The following AGFG2 variants were observed in gnomAD, a reference collection of about 807,000 sequenced individuals.
The protein encoded by AGFG2 is ArfGAP with FG repeats 2, also known as arf-GAP domain and FG repeat-containing protein 2.
In AGFG2, 31 loss-of-function variants were observed where a neutral mutation model predicts 48.0. The observed-to-expected ratio is 0.65, with a 90% CI of 0.49 to 0.87. The LOEUF is 0.87. Ranked by LOEUF, AGFG2 falls within the 40% of genes least tolerant of loss-of-function variation. The probability of loss-of-function intolerance (pLI) is 0.00; values close to 1 mark genes in which losing one functional copy is unlikely to be tolerated. For synonymous variants in AGFG2, 229 were observed against 260.8 expected (o/e 0.88, Z 1.18); for missense variants, 599 against 632.6 (o/e 0.95, Z 0.57).
intron 1 of AGFG2, among the ~76,000 whole-genome samples, chr7:100,546,450 C>T (rs1052414414): frequency 9.2e-5 from 14 of 152,138 alleles, no homozygotes; most frequent in Non-Finnish European, 1.6e-4. Context: ...CTGCTGCATC[C>T]TGGAGTCACG....
Position 100,562,206 on chromosome 7 carries a change from T to G in AGFG2, c.878-53T>G. ...CCACCTCCATCTGCTCTCCTGCCCC[T>G]CCCGCCCTGTCTTACCTCAGCTCTC... On this transcript the variant is annotated intron_variant, in intron 6 of 11. Coordinates refer to ENST00000300176, the MANE Select transcript of AGFG2 (RefSeq NM_006076.5). The surrounding 1 kb of genome is among the most constrained non-coding windows in gnomAD (Gnocchi z 5.4). The G allele has an allele frequency of 6.3e-7, 1 of 1,589,824 alleles. No individual in the cohort carries two copies. The highest frequency in any genetic ancestry group is 8.6e-7 in the Non-Finnish European group (1 of 1,164,260).
In AGFG2 at chr7:100,539,241, C is replaced by G. The variant is rs73407312; in HGVS notation, c.-106C>G. 0.11 allele frequency: 132,688 copies of G among 1,165,536 alleles called. 8,143 individuals are homozygous for G. Among genetic ancestry groups the G allele is most frequent in the African/African-American group, 0.18 (11,212 of 62,762 alleles). The allele number at this position is 1,165,536 out of a possible 1,614,324, so 72.2% of individuals were successfully genotyped here. A position where few individuals can be genotyped will look rare whatever the true frequency, so the allele number is the denominator to read the frequency against. ...GTCTCCTGCGGATGCCGCCCGCTCC[C>G]GAGCTTCTGTCAGGGGAGCCGGGCG... On this transcript the variant is annotated 5_prime_UTR_variant, in exon 1 of 12. Transcript: ENST00000300176.
Position 100,553,234 on chromosome 7 carries a change from CAGT to C in AGFG2, c.432-110_432-108del, listed in dbSNP as rs1800684998. The stretch of plus-strand genomic sequence containing the variant: ...CTCGGTTCCCTTCAAAAAAGGGAAT[CAGT>C]AGAGAAAAATGAGCATAGATTTTGA... On this transcript the variant is annotated intron_variant, in intron 3 of 11. Coordinates refer to ENST00000300176, the MANE Select transcript of AGFG2 (RefSeq NM_006076.5). 1.6e-5 allele frequency: 21 copies of C among 1,311,508 alleles called. No homozygotes were observed. In the South Asian group the frequency reaches 2.4e-4, roughly 15 times the overall value. The allele number at this position is 1,311,508 out of a possible 1,614,324, so 81.2% of individuals were successfully genotyped here. A position where few individuals can be genotyped will look rare whatever the true frequency, so the allele number is the denominator to read the frequency against.
chr7:100,564,365 T>C, intron 11 of AGFG2, 62 bp downstream of exon 11: 1 of 1,521,506 alleles, frequency 6.6e-7, no homozygotes, highest in Non-Finnish European at 9.0e-7. Context: ...GGACAATCCT[T>C]CCAGAAGAGG....
In AGFG2 at chr7:100,562,893, C is replaced by G; in HGVS notation, c.1118C>G (p.Ala373Gly). Residue 373 changes from alanine to glycine, a missense_variant, in exon 9 of 12, where the codon GCC becomes GGC. By Grantham distance (60) the Ala-to-Gly change is moderately conservative (BLOSUM62 0). Transcript: ENST00000300176. This position sits in a 1 kb window ranked among gnomAD's most constrained non-coding sequence, Gnocchi z 5.4. ...AFTNPFTAPAAQSPLPSTNPF... is the reference protein window; with the variant it reads ...AFTNPFTAPAGQSPLPSTNPF... ...ACTAACCCTTTCACAGCTCCCGCCG[C>G]CCAGTCCCCGCTGCCTTCCACCAAC... 6.2e-7 allele frequency: 1 copy of G among 1,614,168 alleles called. No individual in the cohort carries two copies.
chr7:100,553,373 G>A lies in AGFG2; in HGVS notation c.458G>A (p.Gly153Glu), dbSNP rs1472394005. Reference protein sequence around the residue: ...RWYVPPDQVKGPTYTKGSAST... With the variant: ...RWYVPPDQVKEPTYTKGSAST... ...TATGTCCCCCCAGACCAAGTCAAGG[G>A]GCCCACTTATACCAAAGGCAGTGCC... Residue 153 changes from glycine to glutamate, a missense_variant, in exon 4 of 12, where the codon GGG becomes GAG. Coordinates refer to ENST00000300176, the MANE Select transcript of AGFG2 (RefSeq NM_006076.5). 2 of 1,614,066 alleles carry A rather than the reference G, an allele frequency of 1.2e-6. No homozygotes were observed. The highest frequency in any genetic ancestry group is 1.7e-4 in the Middle Eastern group (1 of 6,060).
intron 3 of AGFG2, 95 bp from the exon 4 acceptor site, chr7:100,553,252 A>T: frequency 6.8e-7 from 1 of 1,463,072 alleles, no homozygotes; most frequent in South Asian, 1.2e-5. Context: ...AAAAATGAGC[A>T]TAGATTTTGA....
chr7:100,547,653 CCTTCT>C (rs1562790470), intron 1 of AGFG2, among the ~76,000 whole-genome samples: 1 of 152,086 alleles, frequency 6.6e-6, no homozygotes, highest in East Asian at 1.9e-4. Context: ...GACAAGGAAG[CCTTCT>C]CTTCTCTTAT....
chr7:100,551,048 ATATATATATATATATATATTTCTTT>A (rs2131109680), intron 3 of AGFG2, among the ~76,000 whole-genome samples: 1 of 75,560 alleles, frequency 1.3e-5, no homozygotes, highest in African/African-American at 4.5e-5. Context: ...ATATATATAT[ATATATATATATATATATATTTCTTT>A]TTTTTTTTTT....
In AGFG2 at chr7:100,565,520, C is replaced by G. The variant is rs954927667; in HGVS notation, c.*529C>G. On this transcript the variant is annotated 3_prime_UTR_variant, in exon 12 of 12. Coordinates refer to ENST00000300176, the MANE Select transcript of AGFG2 (RefSeq NM_006076.5). ...GGGGTCCCCCATTGTTTTGCTTCCC[C>G]AGCGCCCAGGATGAGCGGTTTACCA... 1 of 154,230 alleles carries G rather than the reference C, an allele frequency of 6.5e-6. No homozygotes were observed. Among genetic ancestry groups the G allele is most frequent in the Non-Finnish European group, 1.4e-5 (1 of 69,246 alleles). 9.6% of individuals were successfully genotyped at this position (154,230 alleles called of 1,614,324 possible).
intron 1 of AGFG2, among the ~76,000 whole-genome samples, chr7:100,544,597 T>G (rs1800478778): frequency 2.6e-5 from 4 of 152,168 alleles, no homozygotes. Context: ...TGTTGACCTC[T>G]GCTGGGCAGA....
At chr7:100,547,782 T>A (rs549160106) in intron 1 of AGFG2, among the ~76,000 whole-genome samples, 1 of 152,276 alleles carries the variant, frequency 6.6e-6, no homozygotes, top group East Asian at 1.9e-4. Context: ...ATGCCAGCCT[T>A]ATAGCTCATG....
intron 6 of AGFG2, chr7:100,556,573 C>T (rs1417425317): frequency 3.1e-6 from 4 of 1,288,948 alleles, no homozygotes; most frequent in Non-Finnish European, 3.0e-6. Context: ...CCACCCTTCT[C>T]TTCTCCACCC....
In AGFG2 at chr7:100,567,634, G is replaced by C. The variant is rs1801042222; in HGVS notation, c.*2643G>C. 1 of 152,640 alleles carries C rather than the reference G, an allele frequency of 6.6e-6. No individual in the cohort carries two copies. The highest frequency in any genetic ancestry group is 1.9e-4 in the East Asian group (1 of 5,200). 9.5% of individuals were successfully genotyped at this position (152,640 alleles called of 1,614,324 possible). A position where few individuals can be genotyped will look rare whatever the true frequency, so the allele number is the denominator to read the frequency against. ...CTCTGTCCCTGTGTTGCCTTCCACA[G>C]AGGAGCAAGGCCTCAGGCTGAGGAA... On this transcript the variant is annotated 3_prime_UTR_variant, in exon 12 of 12. Transcript: ENST00000300176.
rs1221765782 is a variant in AGFG2 at position 100,565,034 on chromosome 7, C to T, written c.*43C>T. 7 of 1,591,324 alleles carry T rather than the reference C, an allele frequency of 4.4e-6. No individual in the cohort carries two copies. Among genetic ancestry groups the T allele is most frequent in the Middle Eastern group, 1.7e-4 (1 of 6,020 alleles). On this transcript the variant is annotated 3_prime_UTR_variant, in exon 12 of 12. Coordinates refer to ENST00000300176, the MANE Select transcript of AGFG2 (RefSeq NM_006076.5). The stretch of plus-strand genomic sequence containing the variant: ...GCCTCTTCCCTGCCTTCTGGGGCCC[C>T]TCTGCTCCCTAGAGCTCTGGTGACC...
chr7:100,567,549 G>A lies in AGFG2; in HGVS notation c.*2558G>A, dbSNP rs554215749. The A allele has an allele frequency of 7.2e-5, 11 of 152,918 alleles. No homozygotes were observed. The highest frequency in any genetic ancestry group is 1.9e-4 in the East Asian group (1 of 5,196). The allele number at this position is 152,918 out of a possible 1,614,324, so 9.5% of individuals were successfully genotyped here. A position where few individuals can be genotyped will look rare whatever the true frequency, so the allele number is the denominator to read the frequency against. On this transcript the variant is annotated 3_prime_UTR_variant, in exon 12 of 12. Coordinates refer to ENST00000300176, the MANE Select transcript of AGFG2 (RefSeq NM_006076.5). ...CAAGTGTCTCCACATCGGAGCTTGC[G>A]GGTCAGACCTGTGGGCCAGGGGATG...
At chr7:100,549,014 A>C in intron 2 of AGFG2, 99 bp downstream of exon 2, 1 of 951,864 alleles carries the variant, frequency 1.1e-6, no homozygotes, top group Non-Finnish European at 1.6e-6. Context: ...TTTTTGGTTG[A>C]GTTTCTCTTA....
rs996675018 is a variant in AGFG2 at position 100,539,405 on chromosome 7, C to T, written c.59C>T (p.Ala20Val). 4 of 1,305,856 alleles carry T rather than the reference C, an allele frequency of 3.1e-6. No homozygotes were observed. The highest frequency in any genetic ancestry group is 1.5e-5 in the African/African-American group (1 of 64,668). 80.9% of individuals were successfully genotyped at this position (1,305,856 alleles called of 1,614,324 possible). The change falls in exon 1 of 12, where the codon GCG becomes GTG. Residue 20 changes from alanine to valine, a missense_variant. By Grantham distance (64) the Ala-to-Val change is moderately conservative. Transcript: ENST00000300176. ...GGCGGCGGGGTCAGCGGGGGCAAGG[C>T]GGAGGCGGAGGCGGCCTCGGAGGTG... is the stretch of plus-strand genomic sequence containing the variant. ...GPGGGVSGGK[A>V]EAEAASEVWC...
intron 4 of AGFG2, 111 bp downstream of exon 4, chr7:100,553,611 G>A: frequency 7.7e-7 from 1 of 1,304,394 alleles, no homozygotes; most frequent in Non-Finnish European, 1.0e-6. Context: ...GGAGCTGTGA[G>A]TTGGGTCTCG....
Sources: allele counts gnomAD v4.1 joint callset (sites outside exome capture counted in the v4.1 genomes callset), GRCh38; gene constraint gnomAD v4.1.1; non-coding constraint Gnocchi (gnomAD v3.1); transcripts MANE v1.5; gene names NCBI Gene and HGNC (gene_info 2026-07-23, HGNC 2026-07-21).